The following ERICH5 variants were observed in gnomAD, a reference collection of about 807,000 sequenced individuals.
The protein encoded by ERICH5 is glutamate-rich protein 5.
A neutral mutation model predicts 28.0 loss-of-function variants in ERICH5; 24 were observed. The ratio of observed to expected loss-of-function variants is 0.86; its 90% CI spans 0.62 to 1.21. The LOEUF (loss-of-function observed/expected upper bound fraction) is 1.21, where lower values mean the gene tolerates loss of function less well. Ranked by LOEUF, ERICH5 falls within the 50% of genes most tolerant of loss-of-function variation. ERICH5 has a pLI of 0.00. For synonymous variants in ERICH5, 163 were observed against 157.6 expected, an observed-to-expected ratio of 1.03 and a Z score of -0.25; for missense variants, 421 against 441.2, an observed-to-expected ratio of 0.95 and a Z score of 0.41.
At chr8:98,073,667 G>A (rs577753717) in intron 1 of ERICH5, among the ~76,000 whole-genome samples, 10 of 147,504 alleles carry the variant, frequency 6.8e-5, no homozygotes, top group South Asian at 2.2e-4. Flanking sequence ...ATCACCGTCC[G>A]GAGTAGCTGG....
At chr8:98,092,815 G>A (rs1188422130) in intron 2 of ERICH5, among the ~76,000 whole-genome samples, 3 of 142,984 alleles carry the variant, frequency 2.1e-5, no homozygotes, top group Non-Finnish European at 3.0e-5. Flanking sequence ...TCGTTCTGTC[G>A]CCCAGACTGG....
rs768872327 is a variant in ERICH5 at position 98,089,939 on chromosome 8, A to C, written c.922A>C (p.Met308Leu). The C allele has an allele frequency of 1.9e-6, 3 of 1,614,100 alleles. No homozygotes were observed. In the African/African-American group the frequency reaches 4.0e-5, roughly 22 times the overall value. ...TCAACCTGAAGGAATAGTTGGAAGC[A>C]TGGAGCATCCAGCACGAAATGTAGA... ...QIQPEGIVGSMEHPARNVEAG... is the reference protein window; with the variant it reads ...QIQPEGIVGSLEHPARNVEAG... Residue 308 changes from methionine (M) to leucine (L), a missense_variant, in exon 2 of 3, where the codon ATG becomes CTG. Met to Leu is a conservative substitution (Grantham distance 15). Coordinates refer to ENST00000318528, the MANE Select transcript of ERICH5 (RefSeq NM_173549.3).
rs913957294 is a variant in ERICH5, at chr8:98,077,204, G to T, written c.59-11872G>T. On this transcript the variant is annotated intron_variant, in intron 1 of 2. Transcript: ENST00000318528. ...GATTGAATGAGATAATCCACACAAA[G>T]CTCCAGGCTCAGTGCCTCAGTGAAT... Among the ~76,000 whole-genome samples, 5 of 152,092 alleles carry T rather than the reference G, an allele frequency of 3.3e-5. No homozygotes were observed. In the East Asian group the frequency reaches 9.6e-4, roughly 29 times the overall value.
chr8:98,082,732 G>A (rs116275419), intron 1 of ERICH5, among the ~76,000 whole-genome samples: 2,315 of 152,116 alleles, frequency 0.015, 45 homozygotes, highest in African/African-American at 0.05. Flanking sequence ...TTAGCCTGGC[G>A]TGGTGGCACA....
intron 1 of ERICH5, among the ~76,000 whole-genome samples, chr8:98,076,026 C>A (rs1268636433): frequency 1.3e-5 from 2 of 151,648 alleles, no homozygotes; most frequent in Non-Finnish European, 2.9e-5. Flanking sequence ...TCTGTCCACC[C>A]CTCTTAGAGT....
chr8:98,065,196 TA>T (rs1814799177), intron 1 of ERICH5, among the ~76,000 whole-genome samples: 1 of 152,026 alleles, frequency 6.6e-6, no homozygotes, highest in African/African-American at 2.4e-5. Context: ...AAAACCTGGG[TA>T]ACAAAGCGAG....
chr8:98,078,783 G>A (rs1477458823), intron 1 of ERICH5, among the ~76,000 whole-genome samples: 1 of 152,200 alleles, frequency 6.6e-6, no homozygotes, highest in Non-Finnish European at 1.5e-5. Flanking sequence ...GCTCAGAGCA[G>A]TGTATGATTT....
chr8:98,065,337 A>G (rs1814801670), intron 1 of ERICH5, among the ~76,000 whole-genome samples: 2 of 152,206 alleles, frequency 1.3e-5, no homozygotes, highest in Admixed American at 1.3e-4. Flanking sequence ...CACTCCATCA[A>G]ATGGGTCCCT....
intron 1 of ERICH5, among the ~76,000 whole-genome samples, chr8:98,069,078 A>G (rs973179510): frequency 5.3e-5 from 8 of 152,248 alleles, no homozygotes; most frequent in Admixed American, 5.2e-4. Context: ...CATCATAAAC[A>G]TTAAATTTAA....
intron 1 of ERICH5, among the ~76,000 whole-genome samples, chr8:98,081,756 C>T (rs561541686): frequency 2.6e-5 from 4 of 152,028 alleles, no homozygotes; most frequent in African/African-American, 9.7e-5. Flanking sequence ...GGAGAAACCC[C>T]CATCTCTACT....
intron 2 of ERICH5, among the ~76,000 whole-genome samples, chr8:98,090,358 C>A (rs1815363366): frequency 6.6e-6 from 1 of 152,098 alleles, no homozygotes; most frequent in African/African-American, 2.4e-5. Flanking sequence ...AATCAGGATC[C>A]AAAGTAAAGG....
intron 2 of ERICH5, among the ~76,000 whole-genome samples, chr8:98,091,923 TTC>T (rs1586209359): frequency 1.4e-5 from 1 of 73,978 alleles, no homozygotes; most frequent in East Asian, 2.5e-4. Flanking sequence ...CTTTCTTCCT[TTC>T]TTTCTTTCTT....
At chr8:98,073,037 T>G (rs1391323613) in intron 1 of ERICH5, among the ~76,000 whole-genome samples, 1 of 152,140 alleles carries the variant, frequency 6.6e-6, no homozygotes, top group Admixed American at 6.5e-5. Context: ...CCTGTACACC[T>G]TGCATTAATG....
rs760470751 is a variant in ERICH5 at position 98,085,136 on chromosome 8, C to CTTTTTTTTTTTT, written c.59-3909_59-3898dup. Among the ~76,000 whole-genome samples the CTTTTTTTTTTTT allele has an allele frequency of 5.2e-4, 30 of 57,318 alleles. 8 individuals are homozygous for CTTTTTTTTTTTT. The highest frequency in any genetic ancestry group is 8.5e-4 in the Non-Finnish European group (24 of 28,402). The allele number at this position is 57,318 out of a possible 152,430, so 37.6% of individuals were successfully genotyped here. On this transcript the variant is annotated intron_variant, in intron 1 of 2. Coordinates refer to ENST00000318528, the MANE Select transcript of ERICH5 (RefSeq NM_173549.3). ...TTCCCTGGTGTGAACGTTCCACAGCCTTTTTTTTTTTTTTTTTTTTTTTTT... is the reference window on the plus strand; with the variant it reads ...TTCCCTGGTGTGAACGTTCCACAGCCTTTTTTTTTTTTTTTTTTTTTTTTTTTTTTTTTTTTT...
chr8:98,074,330 A>C (rs1815010021), intron 1 of ERICH5, among the ~76,000 whole-genome samples: 1 of 152,108 alleles, frequency 6.6e-6, no homozygotes, highest in Non-Finnish European at 1.5e-5. Flanking sequence ...AGTTTATGAG[A>C]CAGTTTTTCT....
chr8:98,087,285 A>T (rs900785704), intron 1 of ERICH5, among the ~76,000 whole-genome samples: 1 of 152,218 alleles, frequency 6.6e-6, no homozygotes, highest in Non-Finnish European at 1.5e-5. Flanking sequence ...AAACAGCTAA[A>T]AGAATTAAAA....
intron 1 of ERICH5, among the ~76,000 whole-genome samples, chr8:98,081,176 G>C (rs1815178222): frequency 6.6e-6 from 1 of 151,742 alleles, no homozygotes; most frequent in Admixed American, 6.6e-5. Context: ...CACAATCATG[G>C]CTCACTGTGA....
intron 2 of ERICH5, 96 bp downstream of exon 2, chr8:98,090,125 A>C (rs1169218494): frequency 1.1e-6 from 1 of 892,292 alleles, no homozygotes; most frequent in Non-Finnish European, 1.7e-6. Context: ...CAGTCCCTGA[A>C]GTCACTTTCA....
intron 1 of ERICH5, among the ~76,000 whole-genome samples, chr8:98,074,854 A>G (rs1046169777): frequency 1.3e-5 from 2 of 152,114 alleles, no homozygotes; most frequent in Non-Finnish European, 2.9e-5. Context: ...TGCTTTAGTC[A>G]GATGTTCTTA....
Sources: gnomAD v4.1 joint callset for allele counts (sites outside exome capture counted in the v4.1 genomes callset) on GRCh38, gnomAD v4.1.1 for gene constraint, MANE v1.5 for transcripts, NCBI Gene and HGNC (gene_info 2026-07-23, HGNC 2026-07-21) for gene names.